Variants in MSN observed in about 807,000 individuals in gnomAD.
The protein encoded by MSN is moesin.
A neutral mutation model predicts 48.0 loss-of-function variants in MSN; 2 were observed. That is an observed-to-expected ratio of 0.04 (90% CI 0.02 to 0.13). The LOEUF is 0.13. Among genes scored for constraint, MSN ranks in the 10% least tolerant of loss-of-function variants. The pLI, the probability that MSN is intolerant of heterozygous loss-of-function variation, is 1.00. For missense variants in MSN, 267 were observed against 470.1 expected, an observed-to-expected ratio of 0.57 and a Z score of 3.99; for synonymous variants, 146 against 166.9, an observed-to-expected ratio of 0.87 and a Z score of 0.97.
At chrX:65,663,150 C>A (rs920934262), upstream of MSN, among the ~76,000 whole-genome samples, 5 of 108,523 alleles carry the variant, frequency 4.6e-5, no homozygotes, top group African/African-American at 1.7e-4. Flanking sequence ...TCCAGCTACT[C>A]GGGAGGCTGA....
At chrX:65,678,281 T>G in intron 1 of MSN, among the ~76,000 whole-genome samples, 1 of 111,759 alleles carries the variant, frequency 8.9e-6, no homozygotes, top group East Asian at 2.8e-4. Context: ...TCTTCTTGTT[T>G]AGAGTCCTAA....
chrX:65,692,006 T>C (rs778251282), intron 1 of MSN, among the ~76,000 whole-genome samples: 5 of 112,235 alleles, frequency 4.5e-5, no homozygotes, highest in Non-Finnish European at 9.4e-5. Context: ...TGGAGCTCTG[T>C]GGTGGCCTTC....
At chrX:65,734,683 G>A (rs1212644182) in intron 7 of MSN, among the ~76,000 whole-genome samples, 2 of 112,208 alleles carry the variant, frequency 1.8e-5, no homozygotes, top group African/African-American at 6.5e-5. Flanking sequence ...AAAGCCAGCT[G>A]AGATCAAGGG....
chrX:65,671,339 G>A (rs946577406), intron 1 of MSN, among the ~76,000 whole-genome samples: 2 of 110,777 alleles, frequency 1.8e-5, no homozygotes, highest in African/African-American at 6.6e-5. Context: ...AAAGGCAATC[G>A]AGTGGTCATT....
chrX:65,728,664 T>C (rs1030728822), intron 3 of MSN, among the ~76,000 whole-genome samples: 2 of 111,826 alleles, frequency 1.8e-5, no homozygotes, highest in African/African-American at 6.5e-5. Context: ...TACAGTCTTA[T>C]GCTGCACCTT....
At chrX:65,619,851 G>A (rs1364642807) in intron 1 of MSN, among the ~76,000 whole-genome samples, 1 of 109,036 alleles carries the variant, frequency 9.2e-6, no homozygotes, top group East Asian at 2.8e-4. Context: ...ATCTACTTTT[G>A]GTCTTTGATG....
intron 9 of MSN, 34 bp from the exon 10 acceptor site, chrX:65,737,144 T>G: frequency 1.7e-6 from 2 of 1,188,994 alleles, no homozygotes; most frequent in Non-Finnish European, 2.3e-6. Context: ...ATCTCTGTGC[T>G]CTTCACTGCC....
intron 1 of MSN, among the ~76,000 whole-genome samples, chrX:65,687,876 A>G (rs2071131097): frequency 8.9e-6 from 1 of 112,064 alleles, no homozygotes; most frequent in African/African-American, 3.2e-5. Flanking sequence ...AAGCTTAAAG[A>G]AAATCTTAAA....
chrX:65,723,957 G>T (rs1332242529), intron 2 of MSN, among the ~76,000 whole-genome samples: 1 of 110,538 alleles, frequency 9.0e-6, no homozygotes, highest in Non-Finnish European at 1.9e-5. Context: ...TTATGTTTCT[G>T]ATTTCTTTAT....
chrX:65,640,731 TGA>T (rs1285826121), intron 1 of MSN, among the ~76,000 whole-genome samples: 5 of 111,448 alleles, frequency 4.5e-5, no homozygotes, highest in Non-Finnish European at 9.4e-5. Context: ...TAGCAGATGG[TGA>T]GTTCTGATGG....
At chrX:65,592,453 C>T (rs7058805) in intron 1 of MSN, among the ~76,000 whole-genome samples, 10,519 of 108,844 alleles carry the variant, frequency 0.097, 1,294 homozygotes, top group African/African-American at 0.33. Flanking sequence ...CTCGGCCTTC[C>T]AAAGTGCTGG....
intron 1 of MSN, among the ~76,000 whole-genome samples, chrX:65,693,317 C>T (rs1442461409): frequency 8.9e-6 from 1 of 112,278 alleles, no homozygotes; most frequent in African/African-American, 3.2e-5. Flanking sequence ...TCCTTCAGTT[C>T]TGCACTGATC....
intron 1 of MSN, among the ~76,000 whole-genome samples, chrX:65,693,984 C>T (rs1193073071): frequency 5.5e-5 from 6 of 109,349 alleles, no homozygotes; most frequent in African/African-American, 1.0e-4. Context: ...ACCCAGGAGG[C>T]GGAGGTTGCA....
chrX:65,649,401 A>G (rs1473893803), intron 1 of MSN, among the ~76,000 whole-genome samples: 1 of 82,237 alleles, frequency 1.2e-5, no homozygotes, highest in African/African-American at 5.3e-5. Flanking sequence ...CATCTCTACT[A>G]AAAAAAAAAA....
intron 10 of MSN, 71 bp from the exon 11 acceptor site, chrX:65,738,454 C>T (rs2071701573): frequency 1.0e-6 from 1 of 980,691 alleles, no homozygotes; most frequent in African/African-American, 1.9e-5. Context: ...CCCCAGGGGA[C>T]TTGGGTTGAA....
intron 1 of MSN, among the ~76,000 whole-genome samples, chrX:65,626,406 A>T (rs1477443067): frequency 8.9e-6 from 1 of 111,790 alleles, no homozygotes. Flanking sequence ...TAACTGTGGA[A>T]ATCAGATTCT....
intron 6 of MSN, among the ~76,000 whole-genome samples, 195 bp downstream of exon 6, chrX:65,732,179 A>G (rs2071629221): frequency 9.0e-6 from 1 of 111,453 alleles, no homozygotes; most frequent in African/African-American, 3.3e-5. Flanking sequence ...ACTGTCAACT[A>G]TGGTAGCCAC....
At chrX:65,663,258 C>CAAA (rs59074461), upstream of MSN, among the ~76,000 whole-genome samples, 1 of 70,887 alleles carries the variant, frequency 1.4e-5, no homozygotes, top group African/African-American at 5.3e-5. Context: ...AACTTTGTCT[C>CAAA]AAAAAAAAAA....
intron 1 of MSN, among the ~76,000 whole-genome samples, chrX:65,643,413 T>C (rs1489448519): frequency 9.1e-6 from 1 of 109,436 alleles, no homozygotes; most frequent in Non-Finnish European, 1.9e-5. Context: ...GGAGGAGACG[T>C]TTGGGGAGGG....
Sources: gnomAD v4.1 joint callset for allele counts (sites outside exome capture counted in the v4.1 genomes callset) on GRCh38, gnomAD v4.1.1 for gene constraint, MANE v1.5 for transcripts, NCBI Gene and HGNC (gene_info 2026-07-23, HGNC 2026-07-21) for gene names.